The following EYS variants were observed in gnomAD, a reference collection of about 807,000 sequenced individuals.
EYS encodes protein eyes shut homolog.
In EYS, 250 loss-of-function variants were observed where a neutral mutation model predicts 282.1. That is an observed-to-expected ratio of 0.89 (90% CI 0.80 to 0.98). The LOEUF (loss-of-function observed/expected upper bound fraction) is 0.98, where lower values mean the gene tolerates loss of function less well. EYS is among the 50% of genes least tolerant of loss of function. EYS has a pLI of 0.00. For synonymous variants in EYS, 1,355 were observed against 1,282.9 expected, an observed-to-expected ratio of 1.06 and a Z score of -1.20; for missense variants, 4,016 against 3,709.0, an observed-to-expected ratio of 1.08 and a Z score of -2.15.
intron 26 of EYS, among the ~76,000 whole-genome samples, chr6:64,451,118 A>G (rs1775320069): frequency 6.6e-6 from 1 of 152,150 alleles, no homozygotes; most frequent in African/African-American, 2.4e-5. Flanking sequence ...TAGCAAGACT[A>G]ATAAGGAAGA....
At chr6:63,723,929 TC>T (rs1768512964) in intron 42 of EYS, among the ~76,000 whole-genome samples, 1 of 151,824 alleles carries the variant, frequency 6.6e-6, no homozygotes, top group Non-Finnish European at 1.5e-5. Context: ...TGCCTCAGTT[TC>T]CCGAGTATCT....
chr6:64,988,811 T>C (rs973294921), intron 14 of EYS, among the ~76,000 whole-genome samples: 1 of 151,624 alleles, frequency 6.6e-6, no homozygotes, highest in African/African-American at 2.4e-5. Flanking sequence ...TAAGCTTATA[T>C]ATTATTTGAT....
chr6:65,010,905 TAC>T (rs1391281579), intron 13 of EYS, among the ~76,000 whole-genome samples: 1 of 152,072 alleles, frequency 6.6e-6, no homozygotes, highest in East Asian at 1.9e-4. Context: ...GTGGCTGTCT[TAC>T]ACTGCTGGGG....
chr6:64,643,825 C>T (rs1768258281), intron 22 of EYS, among the ~76,000 whole-genome samples: 1 of 152,190 alleles, frequency 6.6e-6, no homozygotes, highest in Non-Finnish European at 1.5e-5. Flanking sequence ...TCCTTGCCTT[C>T]CAGGATGATT....
At chr6:64,058,482 G>C (rs1771059586) in intron 33 of EYS, among the ~76,000 whole-genome samples, 1 of 152,098 alleles carries the variant, frequency 6.6e-6, no homozygotes, top group Non-Finnish European at 1.5e-5. Flanking sequence ...CAGTTAAGGA[G>C]AGCTAGGGGG....
intron 22 of EYS, among the ~76,000 whole-genome samples, chr6:64,757,742 CTTTGTG>C (rs753839060): frequency 4.7e-5 from 3 of 63,832 alleles, no homozygotes; most frequent in East Asian, 2.1e-3. Flanking sequence ...TTCTTTTTTT[CTTTGTG>C]TGTGTGTGTG....
chr6:64,337,763 T>C (rs1172580855), intron 29 of EYS, among the ~76,000 whole-genome samples: 1 of 151,946 alleles, frequency 6.6e-6, no homozygotes, highest in East Asian at 1.9e-4. Context: ...CAACATCATA[T>C]CAAAAAGATA....
At chr6:65,473,454 T>C (rs578141482) in intron 5 of EYS, among the ~76,000 whole-genome samples, 24 of 152,094 alleles carry the variant, frequency 1.6e-4, no homozygotes, top group African/African-American at 4.3e-4. Context: ...TAGAGGCCAC[T>C]GTATTTTTAA....
chr6:65,564,842 C>T (rs889477200), intron 2 of EYS, among the ~76,000 whole-genome samples: 5 of 152,042 alleles, frequency 3.3e-5, no homozygotes, highest in African/African-American at 9.7e-5. Context: ...GAACAGGCAA[C>T]CCACAGAATG....
chr6:65,548,513 A>G (rs1768475925), intron 2 of EYS, among the ~76,000 whole-genome samples: 1 of 152,188 alleles, frequency 6.6e-6, no homozygotes, highest in African/African-American at 2.4e-5. Flanking sequence ...TTTATTTTTA[A>G]GTTGTACTGC....
intron 26 of EYS, among the ~76,000 whole-genome samples, chr6:64,504,916 G>T (rs1777165120): frequency 6.6e-6 from 1 of 151,996 alleles, no homozygotes; most frequent in South Asian, 2.1e-4. Context: ...GATGAGGAAG[G>T]GTCCATAATG....
intron 36 of EYS, among the ~76,000 whole-genome samples, chr6:63,844,620 T>A (rs1772049941): frequency 6.6e-6 from 1 of 152,134 alleles, no homozygotes; most frequent in African/African-American, 2.4e-5. Flanking sequence ...TGTTGAGCTT[T>A]TTTTTTTTCA....
At chr6:64,803,252 T>A (rs1442103691) in intron 22 of EYS, among the ~76,000 whole-genome samples, 2 of 152,042 alleles carry the variant, frequency 1.3e-5, no homozygotes, top group Non-Finnish European at 2.9e-5. Flanking sequence ...CTGGAGTGGG[T>A]ACCTCCTTTT....
Position 63,958,202 on chromosome 6 carries a change from G to C in EYS, c.7055+26181C>G, listed in dbSNP as rs1394864282. Among the ~76,000 whole-genome samples the C allele has an allele frequency of 2.8e-5, 4 of 140,502 alleles. 2 individuals are homozygous for C. Among genetic ancestry groups the C allele is most frequent in the Non-Finnish European group, 6.5e-5 (4 of 61,798 alleles). 92.2% of individuals were successfully genotyped at this position (140,502 alleles called of 152,430 possible). On this transcript the variant is annotated intron_variant, in intron 35 of 42. Transcript: ENST00000503581. ...TGAGAGTGTTCCAGACCTATGTTAG[G>C]TGTTGGAAATAAATTATGAATGGAA... is the stretch of plus-strand genomic sequence containing the variant.
chr6:64,637,208 G>A (rs1768014455), intron 22 of EYS, among the ~76,000 whole-genome samples: 1 of 91,252 alleles, frequency 1.1e-5, no homozygotes, highest in Non-Finnish European at 2.4e-5. Flanking sequence ...GTCCAACAAT[G>A]ATAGACTGGA....
At chr6:65,212,898 A>G (rs1431108307) in intron 12 of EYS, among the ~76,000 whole-genome samples, 1 of 152,152 alleles carries the variant, frequency 6.6e-6, no homozygotes, top group Non-Finnish European at 1.5e-5. Context: ...ATGTAAAAAT[A>G]TATTAATAAT....
chr6:64,443,928 C>T (rs1775036237), intron 26 of EYS, among the ~76,000 whole-genome samples: 1 of 152,174 alleles, frequency 6.6e-6, no homozygotes. Context: ...CTGGGGGATG[C>T]TCAAGACATT....
At chr6:64,692,193 T>C (rs1343028438) in intron 22 of EYS, among the ~76,000 whole-genome samples, 1 of 152,132 alleles carries the variant, frequency 6.6e-6, no homozygotes. Context: ...TAATAGCCAT[T>C]CTAATGTGAG....
At chr6:65,514,581 C>A (rs1312229433) in intron 2 of EYS, among the ~76,000 whole-genome samples, 4 of 152,050 alleles carry the variant, frequency 2.6e-5, no homozygotes, top group Non-Finnish European at 2.9e-5. Flanking sequence ...GGTACTTGTA[C>A]CAAAACAGAG....
Sources: allele counts gnomAD v4.1 joint callset (sites outside exome capture counted in the v4.1 genomes callset), GRCh38; gene constraint gnomAD v4.1.1; transcripts MANE v1.5; gene names NCBI Gene and HGNC (gene_info 2026-07-23, HGNC 2026-07-21).